Variants in NCAM2 observed in about 807,000 individuals in gnomAD.
NCAM2 encodes neural cell adhesion molecule 2, also known as N-CAM-2.
A neutral mutation model predicts 98.1 loss-of-function variants in NCAM2; 30 were observed. That is an observed-to-expected ratio of 0.31 (90% CI 0.23 to 0.41). NCAM2 has a LOEUF of 0.41. NCAM2 is among the 10% of genes least tolerant of loss of function. The pLI is 1.00. For synonymous variants in NCAM2, 368 were observed against 342.4 expected, an observed-to-expected ratio of 1.07 and a Z score of -0.83; for missense variants, 867 against 1,005.8, an observed-to-expected ratio of 0.86 and a Z score of 1.87.
intron 8 of NCAM2, among the ~76,000 whole-genome samples, chr21:21,341,708 CTTT>C (rs5842918): frequency 7.0e-6 from 1 of 142,732 alleles, no homozygotes; most frequent in African/African-American, 2.6e-5. Context: ...TAACAATATT[CTTT>C]TTTTTTTTTT....
At chr21:21,229,137 C>A (rs745918429) in intron 1 of NCAM2, among the ~76,000 whole-genome samples, 1 of 151,306 alleles carries the variant, frequency 6.6e-6, no homozygotes, top group Non-Finnish European at 1.5e-5. Context: ...ATTGAACTTG[C>A]TTGGAGATGT....
At chr21:21,407,430 C>A (rs1039572363) in intron 9 of NCAM2, among the ~76,000 whole-genome samples, 21 of 152,168 alleles carry the variant, frequency 1.4e-4, no homozygotes, top group African/African-American at 4.6e-4. Flanking sequence ...ACACTGAGAT[C>A]ATCAGGCAAG....
At chr21:21,209,208 T>C (rs535474446) in intron 1 of NCAM2, among the ~76,000 whole-genome samples, 2 of 152,148 alleles carry the variant, frequency 1.3e-5, no homozygotes, top group African/African-American at 4.8e-5. Flanking sequence ...ATAATGGGTT[T>C]AGCTTGGGTT....
intron 5 of NCAM2, among the ~76,000 whole-genome samples, chr21:21,300,137 A>G (rs955842639): frequency 1.4e-5 from 2 of 142,354 alleles, no homozygotes; most frequent in Non-Finnish European, 3.1e-5. Context: ...GGCTGACTGT[A>G]TAGTCATGTA....
chr21:21,459,607 T>G (rs1982663369), intron 12 of NCAM2, among the ~76,000 whole-genome samples: 1 of 150,180 alleles, frequency 6.7e-6, no homozygotes, highest in African/African-American at 2.4e-5. Flanking sequence ...ATTATTTATA[T>G]GTACACACAT....
intron 1 of NCAM2, among the ~76,000 whole-genome samples, chr21:21,119,331 A>G (rs2066625298): frequency 6.6e-6 from 1 of 152,090 alleles, no homozygotes; most frequent in African/African-American, 2.4e-5. Flanking sequence ...TTAGCCGACT[A>G]TGAGCTCAGA....
chr21:21,041,623 A>G (rs906739813), intron 1 of NCAM2, among the ~76,000 whole-genome samples: 1 of 152,204 alleles, frequency 6.6e-6, no homozygotes, highest in East Asian at 1.9e-4. Context: ...TAGCTAGAAC[A>G]TCGTGGTGGT....
chr21:21,243,656 A>T lies in NCAM2; in HGVS notation c.56-36922A>T, dbSNP rs73896625. Among the ~76,000 whole-genome samples, 516 of 152,268 alleles carry T rather than the reference A, an allele frequency of 3.4e-3. 5 individuals are homozygous for T. The highest frequency in any genetic ancestry group is 0.012 in the African/African-American group (491 of 41,568). On this transcript the variant is annotated intron_variant, in intron 1 of 17. Transcript: ENST00000400546. Reference sequence around the variant, plus strand: ...ATGACTATCTAGCTTAAGAAACCTGAGACTATTCCTCTAAAAAGAAGTCTA... The same window carrying T: ...ATGACTATCTAGCTTAAGAAACCTGTGACTATTCCTCTAAAAAGAAGTCTA...
rs543192795 is a variant in NCAM2 at position 21,169,298 on chromosome 21, G to A, written c.56-111280G>A. 6.6e-5 allele frequency among the ~76,000 whole-genome samples: 10 copies of A among 151,792 alleles called. No individual in the cohort carries two copies. In the South Asian group the frequency reaches 8.3e-4, roughly 13 times the overall value. On this transcript the variant is annotated intron_variant, in intron 1 of 17. Coordinates refer to ENST00000400546, the MANE Select transcript of NCAM2 (RefSeq NM_004540.5). The stretch of plus-strand genomic sequence containing the variant: ...CACAAAAATTAATTCAAAATGGATC[G>A]ATCGTAGCCCTACATATAAAATGTA...
At chr21:21,341,211 T>G (rs1238750876) in intron 8 of NCAM2, among the ~76,000 whole-genome samples, 1 of 152,120 alleles carries the variant, frequency 6.6e-6, no homozygotes, top group Non-Finnish European at 1.5e-5. Flanking sequence ...AATGAGATCA[T>G]ATTATTCCTA....
chr21:21,280,674 T>C (rs996249870), intron 2 of NCAM2, 22 bp downstream of exon 2: 2 of 1,427,598 alleles, frequency 1.4e-6, no homozygotes, highest in African/African-American at 2.9e-5. Flanking sequence ...TGTAAATACC[T>C]TCAGATAACG....
chr21:21,369,368 A>G (rs976746378), intron 8 of NCAM2, among the ~76,000 whole-genome samples: 2 of 151,704 alleles, frequency 1.3e-5, no homozygotes, highest in Non-Finnish European at 2.9e-5. Flanking sequence ...TTTTCAATCC[A>G]TGCACCAGTA....
intron 1 of NCAM2, among the ~76,000 whole-genome samples, chr21:21,090,151 G>C (rs548077807): frequency 6.6e-6 from 1 of 152,294 alleles, no homozygotes; most frequent in Non-Finnish European, 1.5e-5. Flanking sequence ...ATCAGAATCA[G>C]CCTTTCACAA....
intron 1 of NCAM2, among the ~76,000 whole-genome samples, chr21:21,197,072 A>G (rs551161177): frequency 5.9e-5 from 9 of 152,246 alleles, no homozygotes; most frequent in African/African-American, 2.2e-4. Context: ...TATGCTTCCC[A>G]TAGGACCAGT....
At chr21:21,228,287 TAGAA>T (rs1218808291) in intron 1 of NCAM2, among the ~76,000 whole-genome samples, 2 of 151,486 alleles carry the variant, frequency 1.3e-5, no homozygotes, top group African/African-American at 2.4e-5. Flanking sequence ...TTAATGGAAA[TAGAA>T]AGTCATACAA....
chr21:21,068,545 C>T lies in NCAM2; in HGVS notation c.55+69927C>T, dbSNP rs145844938. ...CGCAATCTCGGCTCACTGCAACCTC[C>T]GCCTCCCAGGTTCACGCGATTCTTC... On this transcript the variant is annotated intron_variant, in intron 1 of 17. Coordinates refer to ENST00000400546, the MANE Select transcript of NCAM2 (RefSeq NM_004540.5). Among the ~76,000 whole-genome samples, 1,428 of 150,910 alleles carry T rather than the reference C, an allele frequency of 9.5e-3. 37 individuals carry two copies. The highest frequency in any genetic ancestry group is 0.034 in the African/African-American group (1,375 of 40,996).
At chr21:21,307,067 G>GT (rs1491129670) in intron 5 of NCAM2, among the ~76,000 whole-genome samples, 2 of 290 alleles carry the variant, frequency 6.9e-3, no homozygotes, top group African/African-American at 0.036. Flanking sequence ...GTACAGTTGT[G>GT]GTTTTTTAAT....
At chr21:21,354,840 G>A (rs1404057472) in intron 8 of NCAM2, among the ~76,000 whole-genome samples, 1 of 152,232 alleles carries the variant, frequency 6.6e-6, no homozygotes, top group Non-Finnish European at 1.5e-5. Flanking sequence ...AGCACTAAAT[G>A]TTCTTTTAGG....
intron 1 of NCAM2, among the ~76,000 whole-genome samples, chr21:21,148,032 G>T (rs1398538230): frequency 6.6e-6 from 1 of 151,994 alleles, no homozygotes; most frequent in African/African-American, 2.4e-5. Context: ...AGGCATTGAG[G>T]CAGAGAGAGT....
Sources: gnomAD v4.1 joint callset for allele counts (sites outside exome capture counted in the v4.1 genomes callset) on GRCh38, gnomAD v4.1.1 for gene constraint, MANE v1.5 for transcripts, NCBI Gene and HGNC (gene_info 2026-07-23, HGNC 2026-07-21) for gene names.